Variants in KAZN observed in about 807,000 individuals in gnomAD.
KAZN encodes the protein kazrin, periplakin interacting protein.
In KAZN, 40 loss-of-function variants were observed where a neutral mutation model predicts 87.4. That is an observed-to-expected ratio of 0.46 (90% CI 0.36 to 0.60). The LOEUF (loss-of-function observed/expected upper bound fraction) is 0.60. KAZN is among the 20% of genes least tolerant of loss of function. KAZN has a pLI of 0.00. For missense variants in KAZN, 898 were observed against 1,073.9 expected (o/e 0.84, Z 2.29); for synonymous variants, 466 against 458.3 (o/e 1.02, Z -0.22).
At chr1:14,641,720 G>A (rs997718155) in intron 1 of KAZN, among the ~76,000 whole-genome samples, 29 of 152,314 alleles carry the variant, frequency 1.9e-4, no homozygotes, top group Middle Eastern at 3.4e-3. Flanking sequence ...CCTTCGTTAC[G>A]AGAAAGGCGA....
chr1:13,966,111 C>T (rs1366708894), intron 1 of KAZN, among the ~76,000 whole-genome samples: 1 of 152,000 alleles, frequency 6.6e-6, no homozygotes, highest in East Asian at 1.9e-4. Flanking sequence ...GCCTTTGCTG[C>T]TCCTTCCCTT....
In KAZN at chr1:15,060,251, C is replaced by T. The variant is rs373428851; in HGVS notation, c.996C>T (p.Ser332=). The change falls in exon 6 of 15, where the codon TCC becomes TCT. Residue 332 remains serine, a synonymous_variant. Transcript: ENST00000376030. ...DASAAEGDRS[S]TPSDINSPRH... ...CTGCCGCCGAAGGCGACCGGTCGTC[C>T]ACACCGAGCGACATCAACTCCCCTC... The T allele has an allele frequency of 1.4e-5, 23 of 1,614,110 alleles. No individual in the cohort carries two copies. Among genetic ancestry groups the T allele is most frequent in the Non-Finnish European group, 4.2e-6 (5 of 1,180,040 alleles).
chr1:14,167,197 CA>C (rs1296774368), intron 1 of KAZN, among the ~76,000 whole-genome samples: 1 of 152,194 alleles, frequency 6.6e-6, no homozygotes, highest in Non-Finnish European at 1.5e-5. Context: ...TCGTCAAGGT[CA>C]GGGGACAGAG....
intron 8 of KAZN, among the ~76,000 whole-genome samples, chr1:15,080,659 C>T (rs1211680514): frequency 6.6e-6 from 1 of 152,338 alleles, no homozygotes. Flanking sequence ...TGTTTTTTCA[C>T]ATTATCATGA....
chr1:14,270,658 C>A (rs1449810136), intron 2 of KAZN, among the ~76,000 whole-genome samples: 2 of 152,110 alleles, frequency 1.3e-5, no homozygotes, highest in African/African-American at 2.4e-5. Flanking sequence ...CCACAATAAG[C>A]AATTGAATGA....
At chr1:13,979,054 C>T (rs916149150) in intron 1 of KAZN, among the ~76,000 whole-genome samples, 1 of 151,742 alleles carries the variant, frequency 6.6e-6, no homozygotes, top group African/African-American at 2.4e-5. Context: ...CGTGATTGCA[C>T]CACTATACTC....
At chr1:15,092,827 T>C (rs1050998229) in intron 8 of KAZN, among the ~76,000 whole-genome samples, 18 of 152,160 alleles carry the variant, frequency 1.2e-4, no homozygotes, top group African/African-American at 4.1e-4. Flanking sequence ...CCCCTCTCAA[T>C]TGAGTCTCTG....
At chr1:14,716,730 C>T (rs539924890) in intron 1 of KAZN, among the ~76,000 whole-genome samples, 22 of 152,244 alleles carry the variant, frequency 1.4e-4, no homozygotes, top group African/African-American at 5.3e-4. Flanking sequence ...CCTAGTTAAC[C>T]TACATCCTCC....
intron 1 of KAZN, among the ~76,000 whole-genome samples, chr1:14,705,182 A>G (rs903087246): frequency 1.3e-5 from 2 of 152,114 alleles, no homozygotes; most frequent in African/African-American, 2.4e-5. Context: ...TGGTATGCAT[A>G]TGTGCACACT....
chr1:15,055,598 A>G (rs1339405768), intron 4 of KAZN, among the ~76,000 whole-genome samples: 1 of 152,218 alleles, frequency 6.6e-6, no homozygotes. Context: ...CATGTGACAA[A>G]AGTCAGACAG....
intron 1 of KAZN, among the ~76,000 whole-genome samples, chr1:14,896,857 G>A (rs1486227236): frequency 1.3e-5 from 2 of 152,274 alleles, no homozygotes; most frequent in Non-Finnish European, 2.9e-5. Flanking sequence ...AAGATTTGGG[G>A]TGCAAAGAGA....
chr1:13,947,628 G>A lies in KAZN; in HGVS notation c.91+53872G>A, dbSNP rs575740913. Among the ~76,000 whole-genome samples, 24 of 152,276 alleles carry A rather than the reference G, an allele frequency of 1.6e-4. No homozygotes were observed. In the South Asian group the frequency reaches 1.7e-3, roughly 11 times the overall value. The stretch of plus-strand genomic sequence containing the variant: ...GCTGTATTAGTCTGCCCTGGCTGCC[G>A]TAACAAATACTTCAGACTGGGGGCT... On this transcript the variant is annotated intron_variant, in intron 1 of 16. Transcript: ENST00000636203.
chr1:14,987,317 A>AC (rs973924949), intron 2 of KAZN, among the ~76,000 whole-genome samples: 1 of 152,042 alleles, frequency 6.6e-6, no homozygotes, highest in Non-Finnish European at 1.5e-5. Flanking sequence ...ACATGGTGAA[A>AC]CCCCGTCTCT....
chr1:14,766,685 A>T (rs958126057), intron 1 of KAZN, among the ~76,000 whole-genome samples: 2 of 149,392 alleles, frequency 1.3e-5, no homozygotes, highest in African/African-American at 5.0e-5. Flanking sequence ...TGGAGCTCAC[A>T]GTCCAGTGGC....
intron 1 of KAZN, among the ~76,000 whole-genome samples, chr1:14,123,115 A>T (rs145972538): frequency 7.2e-5 from 11 of 152,168 alleles, no homozygotes; most frequent in African/African-American, 2.4e-4. Context: ...TCTTGATGTC[A>T]CTCCTTGGGC....
intron 2 of KAZN, among the ~76,000 whole-genome samples, chr1:14,265,374 G>A (rs373176587): frequency 2.6e-5 from 4 of 152,134 alleles, no homozygotes; most frequent in Admixed American, 6.5e-5. Flanking sequence ...TACCACCTAC[G>A]CATTATCACA....
At chr1:14,073,207 G>T (rs796677533) in intron 1 of KAZN, among the ~76,000 whole-genome samples, 10 of 152,242 alleles carry the variant, frequency 6.6e-5, no homozygotes, top group African/African-American at 2.4e-4. Context: ...GAGAACCCAA[G>T]ACAGTGAGTA....
chr1:14,979,561 A>G (rs1006135037), intron 2 of KAZN, among the ~76,000 whole-genome samples: 1 of 152,136 alleles, frequency 6.6e-6, no homozygotes, highest in African/African-American at 2.4e-5. Context: ...TCTGGAATTC[A>G]AGCAGGTGGC....
intron 5 of KAZN, among the ~76,000 whole-genome samples, chr1:15,058,687 A>T (rs1191714598): frequency 6.6e-6 from 1 of 152,174 alleles, no homozygotes; most frequent in Non-Finnish European, 1.5e-5. Flanking sequence ...CACAGAGCAG[A>T]TGTTGTCAGT....
Sources: allele counts gnomAD v4.1 joint callset (sites outside exome capture counted in the v4.1 genomes callset), GRCh38; gene constraint gnomAD v4.1.1; transcripts MANE v1.5; gene names NCBI Gene and HGNC (gene_info 2026-07-23, HGNC 2026-07-21).